Variants in AEBP2 observed in about 807,000 individuals in gnomAD.
The protein encoded by AEBP2 is AE binding protein 2.
In AEBP2, 10 loss-of-function variants were observed where a neutral mutation model predicts 50.8. The observed-to-expected ratio is 0.20, with a 90% CI of 0.12 to 0.33. The LOEUF (loss-of-function observed/expected upper bound fraction) is 0.33, where lower values mean the gene tolerates loss of function less well. AEBP2 is among the 10% of genes least tolerant of loss of function. The pLI, the probability that AEBP2 is intolerant of heterozygous loss-of-function variation, is 1.00. For synonymous variants in AEBP2, 296 were observed against 261.3 expected (o/e 1.13, Z -1.28); for missense variants, 570 against 688.0 (o/e 0.83, Z 1.92).
intron 5 of AEBP2, among the ~76,000 whole-genome samples, chr12:19,509,820 CTTTTTTTTTTTTTT>C (rs57103167): frequency 1.7e-4 from 12 of 68,746 alleles, no homozygotes; most frequent in Non-Finnish European, 2.3e-4. Context: ...TGGCTACTTT[CTTTTTTTTTTTTTT>C]TTTTTTTTTT....
intron 1 of AEBP2, among the ~76,000 whole-genome samples, chr12:19,455,096 A>G (rs12228434): frequency 0.021 from 3,213 of 150,978 alleles, 41 homozygotes; most frequent in East Asian, 0.043. Flanking sequence ...TTGGACTTCT[A>G]GCAATCCTCA....
intron 1 of AEBP2, chr12:19,440,606 C>T: frequency 1.4e-6 from 2 of 1,477,008 alleles, no homozygotes. Flanking sequence ...GCCCTCTTTC[C>T]CCTCGGCGCT....
chr12:19,483,411 A>G (rs908878935), intron 3 of AEBP2, among the ~76,000 whole-genome samples: 1 of 151,980 alleles, frequency 6.6e-6, no homozygotes, highest in East Asian at 1.9e-4. Flanking sequence ...TCTCTCTTAC[A>G]CTTTGGGAAC....
At chr12:19,404,147 T>C (rs1372618028) in exon 1 of AEBP2, 3 of 152,242 alleles carry the variant, frequency 2.0e-5, no homozygotes, top group Non-Finnish European at 4.4e-5. Context: ...CAGATCTCAC[T>C]TGGGAGCTTC....
At chr12:19,489,557 T>G (rs900912318) in intron 3 of AEBP2, among the ~76,000 whole-genome samples, 1 of 152,196 alleles carries the variant, frequency 6.6e-6, no homozygotes, top group Non-Finnish European at 1.5e-5. Flanking sequence ...AATCGGTTTC[T>G]TTTTCATCAG....
chr12:19,421,343 T>C (rs1291187048), intron 1 of AEBP2, among the ~76,000 whole-genome samples: 1 of 30,116 alleles, frequency 3.3e-5, no homozygotes, highest in Non-Finnish European at 6.7e-5. Context: ...AGACTCTGTC[T>C]CAAAAAAAAA....
At chr12:19,516,578 G>T (rs1044727018) in intron 7 of AEBP2, among the ~76,000 whole-genome samples, 1 of 152,118 alleles carries the variant, frequency 6.6e-6, no homozygotes, top group Admixed American at 6.5e-5. Context: ...ATTTAAGCTT[G>T]AACTGATGTT....
intron 1 of AEBP2, among the ~76,000 whole-genome samples, chr12:19,422,740 C>CT (rs1448487805): frequency 1.3e-5 from 2 of 151,988 alleles, no homozygotes; most frequent in Non-Finnish European, 2.9e-5. Context: ...ATTTCACAGT[C>CT]TGATAACTCT....
chr12:19,422,989 C>T lies in AEBP2; in HGVS notation c.-17+18773C>T, dbSNP rs7975951. On this transcript the variant is annotated intron_variant, in intron 1 of 3. Transcript: ENST00000538425. ...CTGAGGCAGGACAATCACTTGAACC[C>T]GGAAGGCAGAGGTTGCAGTGAGCCG... Among the ~76,000 whole-genome samples the T allele has an allele frequency of 2.5e-4, 33 of 132,408 alleles. 1 individual carries two copies. Among genetic ancestry groups the T allele is most frequent in the Admixed American group, 1.2e-3 (14 of 11,422 alleles). 86.9% of individuals were successfully genotyped at this position (132,408 alleles called of 152,430 possible).
At chr12:19,405,446 T>A (rs2095735688) in intron 1 of AEBP2, among the ~76,000 whole-genome samples, 1 of 151,970 alleles carries the variant, frequency 6.6e-6, no homozygotes, top group Non-Finnish European at 1.5e-5. Context: ...TGCCTCAGCC[T>A]CCTGAGTAGC....
At chr12:19,440,548 T>G in intron 1 of AEBP2, 178 bp downstream of exon 1, 3 of 1,379,754 alleles carry the variant, frequency 2.2e-6, no homozygotes, top group Non-Finnish European at 1.9e-6. Flanking sequence ...TCGCAGCGCA[T>G]CGCGGCTTCC....
chr12:19,518,667 T>C lies in AEBP2; in HGVS notation c.*550T>C. 1.4e-6 allele frequency: 2 copies of C among 1,473,706 alleles called. No homozygotes were observed. The highest frequency in any genetic ancestry group is 1.8e-6 in the Non-Finnish European group (2 of 1,091,854). The allele number at this position is 1,473,706 out of a possible 1,614,324, so 91.3% of individuals were successfully genotyped here. On this transcript the variant is annotated 3_prime_UTR_variant, in exon 8 of 8. Transcript: ENST00000266508. ...ATGTGATTGGTTGCCATTTGTGTTCTTTTGCAGAACTCTGATAAGAAAAGT... is the reference window on the plus strand; with the variant it reads ...ATGTGATTGGTTGCCATTTGTGTTCCTTTGCAGAACTCTGATAAGAAAAGT...
rs148164256 is a variant in AEBP2, at chr12:19,433,203, T to A, written c.-17+28987T>A. Among the ~76,000 whole-genome samples the A allele has an allele frequency of 2.2e-3, 330 of 152,118 alleles. 1 individual carries two copies. Among genetic ancestry groups the A allele is most frequent in the African/African-American group, 7.5e-3 (312 of 41,516 alleles). ...GAGTTCGAGACCAGCCTGGCCAACA[T>A]GGTGAAACTTTGTCTCTACTAAAAA... On this transcript the variant is annotated intron_variant, in intron 1 of 3. Transcript: ENST00000538425.
intron 1 of AEBP2, among the ~76,000 whole-genome samples, chr12:19,414,728 A>T (rs764637341): frequency 1.1e-4 from 17 of 152,104 alleles, no homozygotes; most frequent in Admixed American, 2.6e-4. Context: ...TTCGAGACCA[A>T]CCTGGCCAAC....
At chr12:19,415,130 C>T (rs1184667822) in intron 1 of AEBP2, among the ~76,000 whole-genome samples, 11 of 148,388 alleles carry the variant, frequency 7.4e-5, no homozygotes, top group African/African-American at 2.7e-4. Flanking sequence ...GACAACGTGG[C>T]GAAACCCCAT....
At position 19,439,852 on chromosome 12, in the gene AEBP2, C is replaced by G. The variant is rs745506443; in HGVS notation, c.153C>G (p.Ala51=). The G allele has an allele frequency of 6.1e-6, 9 of 1,487,334 alleles. No homozygotes were observed. The highest frequency in any genetic ancestry group is 8.0e-6 in the Non-Finnish European group (9 of 1,128,056). 92.1% of individuals were successfully genotyped at this position (1,487,334 alleles called of 1,614,324 possible). The part of the protein sequence containing the change: ...EEEEEEEEAE[A]EAVAALLLNG... ...AGGAGGAGGAAGAGGAGGCGGAGGC[C>G]GAGGCGGTGGCGGCGCTGCTGCTGA... The change falls in exon 1 of 8, where the codon GCC becomes GCG. Residue 51 remains alanine, a synonymous_variant. Transcript: ENST00000266508.
intron 1 of AEBP2, among the ~76,000 whole-genome samples, chr12:19,428,622 G>A (rs1272566720): frequency 1.3e-5 from 2 of 152,180 alleles, no homozygotes; most frequent in Admixed American, 1.3e-4. Flanking sequence ...GGCCAGCCTG[G>A]CCAACATAGT....
intron 1 of AEBP2, among the ~76,000 whole-genome samples, chr12:19,449,825 T>C (rs117249527): frequency 0.011 from 1,623 of 152,314 alleles, 9 homozygotes; most frequent in Middle Eastern, 0.037. Context: ...CCTTAAAAAA[T>C]ACTACTTAAG....
At chr12:19,484,164 A>G (rs566621711) in intron 3 of AEBP2, among the ~76,000 whole-genome samples, 2 of 152,092 alleles carry the variant, frequency 1.3e-5, no homozygotes, top group South Asian at 4.1e-4. Flanking sequence ...GCTCACTGCA[A>G]CATCCACCTC....
Sources: allele counts gnomAD v4.1 joint callset (sites outside exome capture counted in the v4.1 genomes callset), GRCh38; gene constraint gnomAD v4.1.1; transcripts MANE v1.5; gene names NCBI Gene and HGNC (gene_info 2026-07-23, HGNC 2026-07-21).